GAS7: variants seen among roughly 807,000 people sequenced by gnomAD.
GAS7 encodes growth arrest-specific protein 7.
Under a neutral mutation model 71.1 loss-of-function variants are expected in GAS7, and 28 were observed. The observed-to-expected ratio is 0.39, with a 90% confidence interval of 0.29 to 0.54. The LOEUF is 0.54. GAS7 is among the 20% of genes least tolerant of loss of function. The pLI, the probability that GAS7 is intolerant of heterozygous loss-of-function variation, is 0.62. For missense variants in GAS7, 436 were observed against 627.8 expected (o/e 0.69, Z 3.27); for synonymous variants, 258 against 245.8 (o/e 1.05, Z -0.46).
chr17:10,024,973 G>C (rs1016499472), intron 1 of GAS7, among the ~76,000 whole-genome samples: 2 of 152,176 alleles, frequency 1.3e-5, no homozygotes, highest in African/African-American at 4.8e-5. Context: ...GGGTGCTTTA[G>C]ACAATCAGCT....
At chr17:10,025,480 C>T (rs1292201148) in intron 1 of GAS7, among the ~76,000 whole-genome samples, 2 of 151,774 alleles carry the variant, frequency 1.3e-5, no homozygotes, top group Admixed American at 6.6e-5. Context: ...GCGTCCAGGC[C>T]GTCACGTTCC....
At chr17:9,975,172 T>A (rs973329904) in intron 3 of GAS7, among the ~76,000 whole-genome samples, 2 of 152,118 alleles carry the variant, frequency 1.3e-5, no homozygotes, top group East Asian at 1.9e-4. Flanking sequence ...CTGCCTAACA[T>A]GGTGAAACCC....
At chr17:10,190,913 C>A (rs1387371858) in intron 1 of GAS7, among the ~76,000 whole-genome samples, 1 of 151,272 alleles carries the variant, frequency 6.6e-6, no homozygotes, top group African/African-American at 2.4e-5. Context: ...CGGTGGTTCA[C>A]GCCTGTAATC....
chr17:10,071,936 CAAGAAAAAAAAAAAA>C (rs1406256538), intron 1 of GAS7, among the ~76,000 whole-genome samples: 3 of 63,654 alleles, frequency 4.7e-5, no homozygotes, highest in Non-Finnish European at 8.8e-5. Context: ...GACTCCATCT[CAAGAAAAAAAAAAAA>C]AAGAAAAGAA....
rs1567567301 is a variant in GAS7, at chr17:10,046,849, G to GAA, written c.184-26954_184-26953dup. On this transcript the variant is annotated intron_variant, in intron 1 of 13. Coordinates refer to ENST00000432992, the MANE Select transcript of GAS7 (RefSeq NM_201433.2). Reference sequence around the variant, plus strand: ...GGAAGGAAGGAAGGAAGGAAGGAAAGAAAAGAAAAGAAAAAAGAAAAGAAA... The same window carrying GAA: ...GGAAGGAAGGAAGGAAGGAAGGAAAGAAAAAAGAAAAGAAAAAAGAAAAGAAA... 8.1e-4 allele frequency among the ~76,000 whole-genome samples: 103 copies of GAA among 127,558 alleles called. 17 individuals are homozygous for GAA. The highest frequency in any genetic ancestry group is 3.1e-3 in the African/African-American group (87 of 27,984). 83.7% of individuals were successfully genotyped at this position (127,558 alleles called of 152,430 possible).
intron 3 of GAS7, among the ~76,000 whole-genome samples, chr17:9,980,478 C>T (rs1216001523): frequency 6.6e-6 from 1 of 152,234 alleles, no homozygotes; most frequent in East Asian, 1.9e-4. Flanking sequence ...TTTACACAGG[C>T]TCTCACCTCC....
At chr17:10,007,619 C>A (rs2152182350) in intron 2 of GAS7, among the ~76,000 whole-genome samples, 1 of 101,238 alleles carries the variant, frequency 9.9e-6, no homozygotes. Context: ...CAGCAAGATT[C>A]TGTCTCAAAA....
At chr17:10,195,962 CT>C (rs1456335061) in intron 1 of GAS7, among the ~76,000 whole-genome samples, 2 of 152,150 alleles carry the variant, frequency 1.3e-5, no homozygotes, top group African/African-American at 4.8e-5. Flanking sequence ...CTCGGGCCCA[CT>C]GTGGGAAGAC....
rs975690769 is a variant in GAS7, at chr17:9,915,138, C to G, written c.*2090G>C. On this transcript the variant is annotated 3_prime_UTR_variant, in exon 14 of 14. Transcript: ENST00000432992. ...AGTGACCTCCAAAAATGGACTGGCC[C>G]AAACTGGGCCAACCTGAGCTACCCT... 1 of 231,380 alleles carries G rather than the reference C, an allele frequency of 4.3e-6. No individual in the cohort carries two copies. Among genetic ancestry groups the G allele is most frequent in the Non-Finnish European group, 8.5e-6 (1 of 116,970 alleles). The allele number at this position is 231,380 out of a possible 1,614,324, so 14.3% of individuals were successfully genotyped here.
chr17:10,024,465 G>A (rs1236819589), intron 1 of GAS7, among the ~76,000 whole-genome samples: 2 of 152,256 alleles, frequency 1.3e-5, no homozygotes, highest in Non-Finnish European at 2.9e-5. Flanking sequence ...AGGTGACACA[G>A]GCCCGGGGGC....
chr17:10,101,987 C>A (rs538965197), intron 1 of GAS7, among the ~76,000 whole-genome samples: 2 of 152,222 alleles, frequency 1.3e-5, no homozygotes, highest in East Asian at 3.9e-4. Flanking sequence ...CTAAGCAACT[C>A]CCTCCCCAAA....
intron 1 of GAS7, among the ~76,000 whole-genome samples, chr17:10,085,419 C>G (rs1296722151): frequency 6.6e-6 from 1 of 152,130 alleles, no homozygotes; most frequent in East Asian, 1.9e-4. Flanking sequence ...CGCAGTGGCT[C>G]ACGCCTGTAA....
chr17:10,129,360 C>A (rs1189657546), intron 1 of GAS7, among the ~76,000 whole-genome samples: 1 of 152,066 alleles, frequency 6.6e-6, no homozygotes, highest in South Asian at 2.1e-4. Flanking sequence ...CGCAGGAAGA[C>A]ACTATCTCTA....
chr17:10,023,341 A>G (rs2072342792), intron 1 of GAS7, among the ~76,000 whole-genome samples: 1 of 152,258 alleles, frequency 6.6e-6, no homozygotes, highest in Non-Finnish European at 1.5e-5. Context: ...ACAACCAGGT[A>G]TAGACACAAA....
intron 1 of GAS7, among the ~76,000 whole-genome samples, chr17:10,084,045 T>C (rs2073487308): frequency 1.3e-5 from 2 of 152,192 alleles, no homozygotes; most frequent in South Asian, 4.1e-4. Flanking sequence ...ATTGGCTGCC[T>C]CCTGCTGCTC....
chr17:10,175,480 C>CT (rs1480540266), intron 1 of GAS7, among the ~76,000 whole-genome samples: 1 of 152,170 alleles, frequency 6.6e-6, no homozygotes, highest in Non-Finnish European at 1.5e-5. Context: ...AAACAGCCGT[C>CT]TTCTCCCTAT....
chr17:10,157,343 C>T (rs1338119989), intron 1 of GAS7, among the ~76,000 whole-genome samples: 1 of 152,184 alleles, frequency 6.6e-6, no homozygotes, highest in Non-Finnish European at 1.5e-5. Context: ...GAACACCCTT[C>T]TTTGCACCAA....
At chr17:9,925,280 GTC>G (rs1158087403) in intron 11 of GAS7, among the ~76,000 whole-genome samples, 194 bp downstream of exon 11, 1 of 152,200 alleles carries the variant, frequency 6.6e-6, no homozygotes, top group Non-Finnish European at 1.5e-5. Context: ...GACCCCCAAA[GTC>G]TCTTTCTTTG....
chr17:10,120,607 G>A (rs1295508038), intron 1 of GAS7, among the ~76,000 whole-genome samples: 2 of 152,188 alleles, frequency 1.3e-5, no homozygotes, highest in Non-Finnish European at 2.9e-5. Context: ...AGCTACTCGG[G>A]GTGCTGAGGC....
Sources: gnomAD v4.1 joint callset for allele counts (sites outside exome capture counted in the v4.1 genomes callset) on GRCh38, gnomAD v4.1.1 for gene constraint, MANE v1.5 for transcripts, NCBI Gene and HGNC (gene_info 2026-07-23, HGNC 2026-07-21) for gene names.